Variants in SAP18 observed in about 807,000 individuals in gnomAD.
The protein encoded by SAP18 is Sin3A associated protein 18, also known as histone deacetylase complex subunit SAP18.
SAP18 carries 4 observed loss-of-function variants against 18.6 expected under a neutral mutation model. The observed-to-expected ratio is 0.21, with a 90% CI of 0.11 to 0.49. The LOEUF (loss-of-function observed/expected upper bound fraction) is 0.49, where lower values mean the gene tolerates loss of function less well. Ranked by LOEUF, SAP18 falls within the 20% of genes least tolerant of loss-of-function variation. SAP18 has a pLI of 0.98. For synonymous variants in SAP18, 112 were observed against 82.8 expected, an observed-to-expected ratio of 1.35 and a Z score of -1.92; for missense variants, 170 against 226.4, an observed-to-expected ratio of 0.75 and a Z score of 1.60.
At chr13:21,145,368 A>G (rs1368952075) in intron 2 of SAP18, among the ~76,000 whole-genome samples, 3 of 152,182 alleles carry the variant, frequency 2.0e-5, no homozygotes, top group African/African-American at 7.2e-5. Context: ...AAATTCTAAA[A>G]TTTGAAAAAA....
intron 2 of SAP18, among the ~76,000 whole-genome samples, chr13:21,144,418 A>G (rs1869572495): frequency 6.6e-6 from 1 of 151,430 alleles, no homozygotes; most frequent in Non-Finnish European, 1.5e-5. Flanking sequence ...AAAAAAAAAA[A>G]AAAAAAAAAA....
intron 2 of SAP18, among the ~76,000 whole-genome samples, chr13:21,142,800 A>G (rs1208431780): frequency 6.6e-6 from 1 of 151,932 alleles, no homozygotes; most frequent in East Asian, 1.9e-4. Context: ...GCTGGATTTG[A>G]GCTCCTTGGC....
chr13:21,143,667 G>A (rs1033462014), intron 2 of SAP18, among the ~76,000 whole-genome samples: 11 of 152,180 alleles, frequency 7.2e-5, no homozygotes, highest in Admixed American at 7.2e-4. Flanking sequence ...ATCAGGGAAA[G>A]CGGATGAATA....
exon 1 of SAP18, chr13:21,140,522 C>T: frequency 1.3e-6 from 2 of 1,556,256 alleles, no homozygotes; most frequent in Non-Finnish European, 1.7e-6. Context: ...TATAAAGTGT[C>T]GAGCTTCTCC....
At chr13:21,140,741 C>T in intron 1 of SAP18, 60 bp downstream of exon 1, 1 of 1,596,150 alleles carries the variant, frequency 6.3e-7, no homozygotes, top group South Asian at 1.1e-5. Context: ...CCGCAGGGTG[C>T]AGAGGCGCGG....
At chr13:21,140,930 C>T (rs1799018479) in exon 2 of SAP18, 2 of 1,613,984 alleles carry the variant, frequency 1.2e-6, no homozygotes, top group South Asian at 2.2e-5. Flanking sequence ...ATAACGGCCG[C>T]CACCACCGAA....
chr13:21,142,461 G>A (rs1869503511), intron 2 of SAP18, among the ~76,000 whole-genome samples: 1 of 151,674 alleles, frequency 6.6e-6, no homozygotes, highest in Non-Finnish European at 1.5e-5. Context: ...TCAGTAGCTG[G>A]GATTACAGGC....
upstream of SAP18, among the ~76,000 whole-genome samples, chr13:21,140,126 C>T (rs1168588969): frequency 6.6e-6 from 1 of 152,176 alleles, no homozygotes; most frequent in African/African-American, 2.4e-5. Flanking sequence ...TCTAAGCCAC[C>T]CGAACTGTGT....
chr13:21,146,927 G>A lies in SAP18; in HGVS notation c.362G>A (p.Arg121Gln), dbSNP rs763576966. 17 of 1,603,858 alleles carry A rather than the reference G, an allele frequency of 1.1e-5. No individual in the cohort carries two copies. The Admixed American group carries it at 1.8e-4, about 17-fold the overall frequency. ...ACAGATGTTAAAAGACCTGGCTATCGGTAGGTAACTTCTCATTTTTAAGTC... is the reference window on the plus strand; with the variant it reads ...ACAGATGTTAAAAGACCTGGCTATCAGTAGGTAACTTCTCATTTTTAAGTC... Residue 121 changes from arginine (R) to glutamine (Q), a missense_variant and splice_region_variant, in exon 3 of 4, where the codon CGA becomes CAA. By Grantham distance (43) the Arg-to-Gln change is conservative. Around this residue, in one of 2 missense-constraint regions of SAP18, gnomAD observed 110 missense variants for 200.2 expected, o/e 0.55. Transcript: ENST00000621421.
exon 1 of SAP18, chr13:21,140,561 T>G: frequency 6.3e-7 from 1 of 1,595,872 alleles, no homozygotes; most frequent in Non-Finnish European, 8.5e-7. Flanking sequence ...TCATGCTCGC[T>G]GCAGGGGTCG....
At chr13:21,140,379 T>G (rs1038798919), upstream of SAP18, 10 of 639,822 alleles carry the variant, frequency 1.6e-5, no homozygotes, top group Non-Finnish European at 2.4e-5. Context: ...CGACGGACGC[T>G]AAGCACCTCC....
chr13:21,144,575 A>G (rs1223790630), intron 2 of SAP18, among the ~76,000 whole-genome samples: 1 of 152,152 alleles, frequency 6.6e-6, no homozygotes, highest in Admixed American at 6.6e-5. Flanking sequence ...CAGATTATAT[A>G]GGATAGACCT....
In SAP18 at chr13:21,140,881, C is replaced by T. The variant is rs1015648061; in HGVS notation, c.130-5C>T. The T allele has an allele frequency of 4.3e-6, 7 of 1,611,130 alleles. No individual in the cohort carries two copies. Among genetic ancestry groups the T allele is most frequent in the Non-Finnish European group, 5.9e-6 (7 of 1,177,338 alleles). ...TTCTGCCCTTCCGTTTTCTCTCTCC[C>T]TCAGACATGCCCACTGTTGCTACGG... On this transcript the variant is annotated splice_region_variant and splice_polypyrimidine_tract_variant and intron_variant, in intron 1 of 3. Coordinates refer to ENST00000621421, the Ensembl canonical transcript of SAP18.
upstream of SAP18, chr13:21,140,454 T>C: frequency 1.5e-6 from 2 of 1,373,034 alleles, no homozygotes; most frequent in Non-Finnish European, 2.0e-6. Flanking sequence ...TCCGGCTCGC[T>C]CACCACGCAC....
chr13:21,140,484 G>A (rs1042805999), upstream of SAP18: 5 of 1,491,094 alleles, frequency 3.4e-6, no homozygotes, highest in African/African-American at 5.6e-5. Flanking sequence ...CCTGCGCCAG[G>A]AGACGCCCCG....
chr13:21,141,989 GA>G (rs1342651340), intron 2 of SAP18, among the ~76,000 whole-genome samples: 1 of 148,712 alleles, frequency 6.7e-6, no homozygotes, highest in African/African-American at 2.5e-5. Flanking sequence ...TTATTGTGAT[GA>G]AAAGATATAT....
chr13:21,142,186 CTG>C (rs1300937802), intron 2 of SAP18, among the ~76,000 whole-genome samples: 1 of 149,830 alleles, frequency 6.7e-6, no homozygotes, highest in East Asian at 2.2e-4. Context: ...AATTGGGAGA[CTG>C]AGGCAGGAGG....
chr13:21,140,273 T>C (rs909250047), upstream of SAP18, among the ~76,000 whole-genome samples: 1 of 152,192 alleles, frequency 6.6e-6, no homozygotes, highest in Admixed American at 6.5e-5. Flanking sequence ...TTGTGTCCAA[T>C]AAGGTTTTCG....
chr13:21,140,370 G>C (rs1869397862), upstream of SAP18: 1 of 614,370 alleles, frequency 1.6e-6, no homozygotes, highest in Non-Finnish European at 2.8e-6. Flanking sequence ...ACTGCTAGGC[G>C]ACGGACGCTA....
Sources: allele counts gnomAD v4.1 joint callset (sites outside exome capture counted in the v4.1 genomes callset), GRCh38; gene constraint gnomAD v4.1.1; regional missense constraint gnomAD v4.1.1; transcripts MANE v1.5; gene names NCBI Gene and HGNC (gene_info 2026-07-23, HGNC 2026-07-21).